The following KLF14 variants were observed in gnomAD, a reference collection of about 807,000 sequenced individuals.
KLF14 encodes Krueppel-like factor 14.
A neutral mutation model predicts 16.2 loss-of-function variants in KLF14; 13 were observed. The ratio of observed to expected loss-of-function variants is 0.80; its 90% CI spans 0.52 to 1.28. KLF14 has a LOEUF of 1.28. Among genes scored for constraint, KLF14 ranks in the 50% most tolerant of loss-of-function variants. KLF14 has a pLI of 0.00. For missense variants in KLF14, 571 were observed against 493.4 expected (o/e 1.16, Z -1.49); for synonymous variants, 276 against 233.7 (o/e 1.18, Z -1.65).
In KLF14 at chr7:130,734,185, AGCCGCCGCT is replaced by A. The variant is rs1236312709; in HGVS notation, c.-161_-153del. ...CGCCTGCTGCCGCCGCCGCCGCCGC[AGCCGCCGCT>A]GCCGCCGCCGCCCGCGCGGAGCCCG... On this transcript the variant is annotated 5_prime_UTR_variant, in exon 1 of 1. Transcript: ENST00000583337. The surrounding 1 kb of genome is among the most constrained non-coding windows in gnomAD (Gnocchi z 4.4). 2.7e-5 allele frequency: 7 copies of A among 261,642 alleles called. No homozygotes were observed. Among genetic ancestry groups the A allele is most frequent in the Non-Finnish European group, 3.5e-5 (6 of 170,314 alleles). 16.2% of individuals were successfully genotyped at this position (261,642 alleles called of 1,614,324 possible).
At position 130,733,652 on chromosome 7, in the gene KLF14, C is replaced by T. The variant is rs892555848; in HGVS notation, c.382G>A (p.Glu128Lys). The T allele has an allele frequency of 4.5e-6, 7 of 1,554,340 alleles. No homozygotes were observed. The highest frequency in any genetic ancestry group is 5.2e-6 in the Non-Finnish European group (6 of 1,154,044). ...IPCSVQTPCS[E>K]LAPASGAAAV... ...GCGGCGCCGGAGGCGGGAGCCAGCT[C>T]GGAGCACGGGGTCTGGACGGAGCAC... Residue 128 changes from glutamate to lysine, a missense_variant, in exon 1 of 1, where the codon GAG becomes AAG. Transcript: ENST00000583337. This position sits in a 1 kb window ranked among gnomAD's most constrained non-coding sequence, Gnocchi z 5.2.
Position 130,732,847 on chromosome 7 carries a change from T to C in KLF14, c.*215A>G, listed in dbSNP as rs1288194437. The C allele has an allele frequency of 5.2e-6, 3 of 576,774 alleles. No homozygotes were observed. Among genetic ancestry groups the C allele is most frequent in the African/African-American group, 3.7e-5 (2 of 53,698 alleles). The allele number at this position is 576,774 out of a possible 1,614,324, so 35.7% of individuals were successfully genotyped here. ...GGGCTGTCTTGAGGCAACCCCCACT[T>C]TTAGGATGATATACACGTTGCAAGA... On this transcript the variant is annotated 3_prime_UTR_variant, in exon 1 of 1. Coordinates refer to ENST00000583337, the MANE Select transcript of KLF14 (RefSeq NM_138693.4).
Position 130,730,931 on chromosome 7 carries a change from C to A in KLF14, c.*2131G>T, listed in dbSNP as rs62471571. On this transcript the variant is annotated 3_prime_UTR_variant, in exon 1 of 1. Transcript: ENST00000583337. The stretch of plus-strand genomic sequence containing the variant: ...AGAGACAAACAGAGCAAAGAGAAGA[C>A]TCCTTCCACTACCAAAAATCACTTT... Among the ~76,000 whole-genome samples the A allele has an allele frequency of 0.011, 1,668 of 152,318 alleles. 13 individuals carry two copies. Among genetic ancestry groups the A allele is most frequent in the Non-Finnish European group, 0.015 (1,008 of 68,026 alleles).
In KLF14 at chr7:130,733,311, C is replaced by T; in HGVS notation, c.723G>A (p.Glu241=). 1 of 1,607,292 alleles carries T rather than the reference C, an allele frequency of 6.2e-7. No homozygotes were observed. Among genetic ancestry groups the T allele is most frequent in the Non-Finnish European group, 8.5e-7 (1 of 1,177,446 alleles). ...TGTGCGTCCTGTAGTGGCGGGCCAG[C>T]TCGTCGGAACGCGTAAACTTCTTGT... The part of the protein sequence containing the change: ...DCDKKFTRSD[E]LARHYRTHTG... The change falls in exon 1 of 1, where the codon GAG becomes GAA. Residue 241 remains glutamate (E), a synonymous_variant. Coordinates refer to ENST00000583337, the MANE Select transcript of KLF14 (RefSeq NM_138693.4). This position sits in a 1 kb window ranked among gnomAD's most constrained non-coding sequence, Gnocchi z 5.2.
chr7:130,733,705 G>A lies in KLF14; in HGVS notation c.329C>T (p.Ala110Val). Residue 110 changes from alanine to valine, a missense_variant, in exon 1 of 1, where the codon GCC becomes GTC. Physicochemically the swap from Ala to Val is moderately conservative, Grantham distance 64. Transcript: ENST00000583337. The surrounding 1 kb of genome is among the most constrained non-coding windows in gnomAD (Gnocchi z 5.2). ...SWENSGEAPR[A>V]SSGFSDPIPC... ...GATCGGGTCGGAGAAGCCGGACGAG[G>A]CGCGTGGAGCTTCCCCCGAGTTCTC... 1 of 1,567,270 alleles carries A rather than the reference G, an allele frequency of 6.4e-7. No individual in the cohort carries two copies. Among genetic ancestry groups the A allele is most frequent in the Non-Finnish European group, 8.6e-7 (1 of 1,162,658 alleles).
rs1554470760 is a variant in KLF14 at position 130,733,056 on chromosome 7, A to C, written c.*6T>G. 6.5e-7 allele frequency: 1 copy of C among 1,547,534 alleles called. No individual in the cohort carries two copies. The highest frequency in any genetic ancestry group is 2.0e-5 in the Admixed American group (1 of 51,112). The stretch of plus-strand genomic sequence containing the variant: ...CTTGAGGGTAAGACTGACAGCAATG[A>C]CTGTCCTACAGGCAGGTGGTGAAGC... On this transcript the variant is annotated 3_prime_UTR_variant, in exon 1 of 1. Coordinates refer to ENST00000583337, the MANE Select transcript of KLF14 (RefSeq NM_138693.4). The surrounding 1 kb of genome is among the most constrained non-coding windows in gnomAD (Gnocchi z 5.2).
In KLF14 at chr7:130,733,843, G is replaced by T. The variant is rs1483431163; in HGVS notation, c.191C>A (p.Pro64His). 4.4e-6 allele frequency: 6 copies of T among 1,361,792 alleles called. No individual in the cohort carries two copies. In the African/African-American group the frequency reaches 6.2e-5, roughly 14 times the overall value. The allele number at this position is 1,361,792 out of a possible 1,614,324, so 84.4% of individuals were successfully genotyped here. A position where few individuals can be genotyped will look rare whatever the true frequency, so the allele number is the denominator to read the frequency against. The change falls in exon 1 of 1, where the codon CCC becomes CAC. Residue 64 changes from proline to histidine, a missense_variant. Pro to His is a moderately conservative substitution (Grantham distance 77). Coordinates refer to ENST00000583337, the MANE Select transcript of KLF14 (RefSeq NM_138693.4). This position sits in a 1 kb window ranked among gnomAD's most constrained non-coding sequence, Gnocchi z 5.2. Reference protein sequence around the residue: ...GPGPPGPASVPQLPQVPAPSP... With the variant: ...GPGPPGPASVHQLPQVPAPSP... Reference sequence around the variant, plus strand: ...GGGGGCGGGGACCTGCGGGAGCTGGGGGACCGACGCGGGCCCCGGTGGCCC... The same window carrying T: ...GGGGGCGGGGACCTGCGGGAGCTGGTGGACCGACGCGGGCCCCGGTGGCCC...
chr7:130,733,846 A>G lies in KLF14; in HGVS notation c.188T>C (p.Val63Ala). ...GGCGGGGACCTGCGGGAGCTGGGGG[A>G]CCGACGCGGGCCCCGGTGGCCCCGG... Reference protein sequence around the residue: ...PGPGPPGPASVPQLPQVPAPS... With the variant: ...PGPGPPGPASAPQLPQVPAPS... The change falls in exon 1 of 1, where the codon GTC becomes GCC. Residue 63 changes from valine (V) to alanine (A), a missense_variant. Physicochemically the swap from Val to Ala is moderately conservative, Grantham distance 64. Transcript: ENST00000583337. The surrounding 1 kb of genome is among the most constrained non-coding windows in gnomAD (Gnocchi z 5.2). The G allele has an allele frequency of 7.4e-7, 1 of 1,356,258 alleles. No individual in the cohort carries two copies. Among genetic ancestry groups the G allele is most frequent in the Admixed American group, 3.9e-5 (1 of 25,318 alleles). 84.0% of individuals were successfully genotyped at this position (1,356,258 alleles called of 1,614,324 possible). A position where few individuals can be genotyped will look rare whatever the true frequency, so the allele number is the denominator to read the frequency against.
chr7:130,733,770 G>C lies in KLF14; in HGVS notation c.264C>G (p.Val88=), dbSNP rs542911106. ...GAAPHLLAAS[V]WADLRGSSGE... ...CAGAGCTGCCGCGCAAGTCCGCCCA[G>C]ACGCTTGCAGCCAGCAGGTGGGGCG... Residue 88 remains valine, a synonymous_variant, in exon 1 of 1, where the codon GTC becomes GTG. Coordinates refer to ENST00000583337, the MANE Select transcript of KLF14 (RefSeq NM_138693.4). The surrounding 1 kb of genome is among the most constrained non-coding windows in gnomAD (Gnocchi z 5.2). 8.6e-6 allele frequency: 13 copies of C among 1,513,132 alleles called. 1 individual carries two copies. In the African/African-American group the frequency reaches 1.7e-4, roughly 20 times the overall value. 93.7% of individuals were successfully genotyped at this position (1,513,132 alleles called of 1,614,324 possible).
chr7:130,733,504 G>C lies in KLF14; in HGVS notation c.530C>G (p.Pro177Arg), dbSNP rs1172230619. 6.3e-7 allele frequency: 1 copy of C among 1,598,696 alleles called. No individual in the cohort carries two copies. The highest frequency in any genetic ancestry group is 1.3e-5 in the African/African-American group (1 of 74,662). Reference sequence around the variant, plus strand: ...CCTCCGGGGCGCCTGATCCGCGGCGGGGGCGGGGCCTGCCCCTAGGGCCCC... The same window carrying C: ...CCTCCGGGGCGCCTGATCCGCGGCGCGGGCGGGGCCTGCCCCTAGGGCCCC... The part of the protein sequence containing the change: ...SGGALGAGPA[P>R]AADQAPRRRS... Residue 177 changes from proline (P) to arginine (R), a missense_variant, in exon 1 of 1, where the codon CCC becomes CGC. Transcript: ENST00000583337. The surrounding 1 kb of genome is among the most constrained non-coding windows in gnomAD (Gnocchi z 5.2).
At position 130,733,939 on chromosome 7, in the gene KLF14, G is replaced by A; in HGVS notation, c.95C>T (p.Pro32Leu). The A allele has an allele frequency of 7.4e-7, 1 of 1,359,676 alleles. No homozygotes were observed. Among genetic ancestry groups the A allele is most frequent in the South Asian group, 1.6e-5 (1 of 64,312 alleles). The allele number at this position is 1,359,676 out of a possible 1,614,324, so 84.2% of individuals were successfully genotyped here. The change falls in exon 1 of 1, where the codon CCC (proline) becomes CTC (leucine). Residue 32 changes from proline (P) to leucine (L), a missense_variant. Transcript: ENST00000583337. This position sits in a 1 kb window ranked among gnomAD's most constrained non-coding sequence, Gnocchi z 5.2. ...GAVVHRRPPD[P>L]EGAGGAAGSE... Reference sequence around the variant, plus strand: ...GCCAGCGGCTCCACCCGCGCCCTCGGGGTCCGGCGGGCGGCGGTGAACCAC... The same window carrying A: ...GCCAGCGGCTCCACCCGCGCCCTCGAGGTCCGGCGGGCGGCGGTGAACCAC...
chr7:130,733,761 G>C lies in KLF14; in HGVS notation c.273C>G (p.Asp91Glu). Reference protein sequence around the residue: ...PHLLAASVWADLRGSSGEGSW... With the variant: ...PHLLAASVWAELRGSSGEGSW... ...AGCCCTCGCCAGAGCTGCCGCGCAAGTCCGCCCAGACGCTTGCAGCCAGCA... is the reference window on the plus strand; with the variant it reads ...AGCCCTCGCCAGAGCTGCCGCGCAACTCCGCCCAGACGCTTGCAGCCAGCA... Residue 91 changes from aspartate (D) to glutamate (E), a missense_variant, in exon 1 of 1, where the codon GAC (aspartate) becomes GAG (glutamate). Asp to Glu is a conservative substitution (Grantham distance 45). Coordinates refer to ENST00000583337, the MANE Select transcript of KLF14 (RefSeq NM_138693.4). The surrounding 1 kb of genome is among the most constrained non-coding windows in gnomAD (Gnocchi z 5.2). 6.5e-7 allele frequency: 1 copy of C among 1,528,794 alleles called. No individual in the cohort carries two copies. The highest frequency in any genetic ancestry group is 2.5e-5 in the East Asian group (1 of 39,872). 94.7% of individuals were successfully genotyped at this position (1,528,794 alleles called of 1,614,324 possible).
At position 130,733,596 on chromosome 7, in the gene KLF14, A is replaced by C. The variant is rs1474489925; in HGVS notation, c.438T>G (p.Asp146Glu). Residue 146 changes from aspartate to glutamate, a missense_variant, in exon 1 of 1, where the codon GAT becomes GAG. Physicochemically the swap from Asp to Glu is conservative, Grantham distance 45. Transcript: ENST00000583337. The surrounding 1 kb of genome is among the most constrained non-coding windows in gnomAD (Gnocchi z 5.2). ...AAVCAPESSS[D>E]APAVPSAPAA... ...CAGGCGCGCTTGGGACGGCGGGCGC[A>C]TCGGAGGAGCTCTCGGGAGCGCAGA... is the stretch of plus-strand genomic sequence containing the variant. The C allele has an allele frequency of 1.9e-6, 3 of 1,544,546 alleles. No individual in the cohort carries two copies. The highest frequency in any genetic ancestry group is 2.6e-6 in the Non-Finnish European group (3 of 1,146,510).
rs1294510687 is a variant in KLF14 at position 130,731,952 on chromosome 7, T to C, written c.*1110A>G. The C allele has an allele frequency of 2.0e-5, 3 of 152,198 alleles. No homozygotes were observed. The highest frequency in any genetic ancestry group is 2.0e-4 in the Admixed American group (3 of 15,274). The allele number at this position is 152,198 out of a possible 1,614,324, so 9.4% of individuals were successfully genotyped here. A position where few individuals can be genotyped will look rare whatever the true frequency, so the allele number is the denominator to read the frequency against. Reference sequence around the variant, plus strand: ...CTCAAATCCAAGGCAGCCAGCTCCTTGGAAGAAACCAGTCTGTTACCCTTC... The same window carrying C: ...CTCAAATCCAAGGCAGCCAGCTCCTCGGAAGAAACCAGTCTGTTACCCTTC... On this transcript the variant is annotated 3_prime_UTR_variant, in exon 1 of 1. Coordinates refer to ENST00000583337, the MANE Select transcript of KLF14 (RefSeq NM_138693.4).
At position 130,732,582 on chromosome 7, in the gene KLF14, G is replaced by C. The variant is rs566554106; in HGVS notation, c.*480C>G. On this transcript the variant is annotated 3_prime_UTR_variant, in exon 1 of 1. Coordinates refer to ENST00000583337, the MANE Select transcript of KLF14 (RefSeq NM_138693.4). ...GTAAACATTGCTGTTTACAGAAATA[G>C]AAATCATTTCTGTTTCCAAAGGCCT... The C allele has an allele frequency of 6.4e-6, 1 of 155,208 alleles. No homozygotes were observed. The highest frequency in any genetic ancestry group is 2.1e-4 in the South Asian group (1 of 4,872). 9.6% of individuals were successfully genotyped at this position (155,208 alleles called of 1,614,324 possible). A position where few individuals can be genotyped will look rare whatever the true frequency, so the allele number is the denominator to read the frequency against.
Position 130,732,057 on chromosome 7 carries a change from T to C in KLF14, c.*1005A>G, listed in dbSNP as rs928142992. Reference sequence around the variant, plus strand: ...GGGAAATAACCCCCTAGTTAGCCATTAGGAAATTAACAGAATCTACCACTC... The same window carrying C: ...GGGAAATAACCCCCTAGTTAGCCATCAGGAAATTAACAGAATCTACCACTC... On this transcript the variant is annotated 3_prime_UTR_variant, in exon 1 of 1. Transcript: ENST00000583337. The C allele has an allele frequency of 6.6e-6, 1 of 152,104 alleles. No homozygotes were observed. The highest frequency in any genetic ancestry group is 1.5e-5 in the Non-Finnish European group (1 of 68,036). 9.4% of individuals were successfully genotyped at this position (152,104 alleles called of 1,614,324 possible).
At position 130,731,837 on chromosome 7, in the gene KLF14, G is replaced by A; in HGVS notation, c.*1225C>T. 1 of 152,200 alleles carries A rather than the reference G, an allele frequency of 6.6e-6. No individual in the cohort carries two copies. Among genetic ancestry groups the A allele is most frequent in the East Asian group, 1.9e-4 (1 of 5,196 alleles). The allele number at this position is 152,200 out of a possible 1,614,324, so 9.4% of individuals were successfully genotyped here. A position where few individuals can be genotyped will look rare whatever the true frequency, so the allele number is the denominator to read the frequency against. On this transcript the variant is annotated 3_prime_UTR_variant, in exon 1 of 1. Coordinates refer to ENST00000583337, the MANE Select transcript of KLF14 (RefSeq NM_138693.4). ...TGTCTGATTCCTTCTTATCGGGAAA[G>A]GGGCCCTGAGGATATAACTTGGAGG...
Position 130,733,257 on chromosome 7 carries a change from G to T in KLF14, c.777C>A (p.Leu259=). 1.2e-6 allele frequency: 2 copies of T among 1,613,174 alleles called. No homozygotes were observed. The highest frequency in any genetic ancestry group is 1.7e-6 in the Non-Finnish European group (2 of 1,179,636). The change falls in exon 1 of 1, where the codon CTC becomes CTA. Residue 259 remains leucine (L), a synonymous_variant. Transcript: ENST00000583337. The surrounding 1 kb of genome is among the most constrained non-coding windows in gnomAD (Gnocchi z 5.2). ...HTGEKRFSCP[L]CPKQFSRSDH... ...CGCTCCGGGAGAACTGCTTGGGGCA[G>T]AGGGGGCAGGAGAAGCGCTTCTCGC...
Position 130,733,176 on chromosome 7 carries a change from C to A in KLF14, c.858G>T (p.Glu286Asp). ...GGGGAGTTCGACGACGTCCCCGGTA[C>A]TCGATCATATCTGGATGATAGGTTG... The part of the protein sequence containing the change: ...RHPTYHPDMI[E>D]YRGRRRTPRI... The change falls in exon 1 of 1, where the codon GAG becomes GAT. Residue 286 changes from glutamate (E) to aspartate (D), a missense_variant. By Grantham distance (45) the Glu-to-Asp change is conservative. Coordinates refer to ENST00000583337, the MANE Select transcript of KLF14 (RefSeq NM_138693.4). The surrounding 1 kb of genome is among the most constrained non-coding windows in gnomAD (Gnocchi z 5.2). The A allele has an allele frequency of 6.3e-7, 1 of 1,592,920 alleles. No individual in the cohort carries two copies. The highest frequency in any genetic ancestry group is 8.5e-7 in the Non-Finnish European group (1 of 1,169,686).
Sources: gnomAD v4.1 joint callset for allele counts (sites outside exome capture counted in the v4.1 genomes callset) on GRCh38, gnomAD v4.1.1 for gene constraint, Gnocchi (gnomAD v3.1) non-coding constraint, MANE v1.5 for transcripts, NCBI Gene and HGNC (gene_info 2026-07-23, HGNC 2026-07-21) for gene names.